Variants in ITGA2 observed in about 807,000 individuals in gnomAD.
ITGA2 encodes the protein integrin alpha-2.
ITGA2 carries 101 observed loss-of-function variants against 146.3 expected under a neutral mutation model. The observed-to-expected ratio is 0.69, with a 90% CI of 0.59 to 0.81. The LOEUF is 0.81. ITGA2 is among the 40% of genes least tolerant of loss of function. ITGA2 has a pLI of 0.00. For missense variants in ITGA2, 1,281 were observed against 1,402.7 expected (o/e 0.91, Z 1.39); for synonymous variants, 477 against 487.1 (o/e 0.98, Z 0.27).
chr5:53,078,336 C>G (rs986023233), intron 23 of ITGA2, among the ~76,000 whole-genome samples: 1 of 152,022 alleles, frequency 6.6e-6, no homozygotes, highest in African/African-American at 2.4e-5. Context: ...GCTCAATACC[C>G]TATTATTATA....
chr5:53,088,784 A>C (rs781617381), intron 28 of ITGA2, among the ~76,000 whole-genome samples: 3 of 152,180 alleles, frequency 2.0e-5, no homozygotes, highest in Admixed American at 6.5e-5. Context: ...TGTCTATGAA[A>C]AATTTTTTAA....
At chr5:53,000,235 G>T (rs567192792) in intron 1 of ITGA2, among the ~76,000 whole-genome samples, 1 of 152,196 alleles carries the variant, frequency 6.6e-6, no homozygotes, top group African/African-American at 2.4e-5. Context: ...TTCATCACCA[G>T]ATTGCTAAGA....
intron 1 of ITGA2, among the ~76,000 whole-genome samples, chr5:53,003,831 G>C (rs1324849109): frequency 1.3e-5 from 2 of 151,914 alleles, no homozygotes; most frequent in Non-Finnish European, 2.9e-5. Context: ...CTTTTTTAGA[G>C]ACAGAGTCTC....
rs974027147 is a variant in ITGA2 at position 53,093,344 on chromosome 5, T to A, written c.*2745T>A. Reference sequence around the variant, plus strand: ...GGAGTAGTTGAATTACTATAAACCATTAGCCACTTGTCTCTGCACCATTTA... The same window carrying A: ...GGAGTAGTTGAATTACTATAAACCAATAGCCACTTGTCTCTGCACCATTTA... On this transcript the variant is annotated 3_prime_UTR_variant, in exon 30 of 30. Transcript: ENST00000296585. 1.3e-5 allele frequency: 2 copies of A among 152,156 alleles called. No individual in the cohort carries two copies. Among genetic ancestry groups the A allele is most frequent in the African/African-American group, 4.8e-5 (2 of 41,428 alleles). 9.4% of individuals were successfully genotyped at this position (152,156 alleles called of 1,614,324 possible). A position where few individuals can be genotyped will look rare whatever the true frequency, so the allele number is the denominator to read the frequency against.
At chr5:53,050,929 C>T (rs113081293) in intron 6 of ITGA2, among the ~76,000 whole-genome samples, 146 of 152,252 alleles carry the variant, frequency 9.6e-4, no homozygotes, top group African/African-American at 3.1e-3. Flanking sequence ...TGATTAGGAG[C>T]ACATTGGTTT....
intron 1 of ITGA2, among the ~76,000 whole-genome samples, chr5:52,997,493 CTG>C (rs1741325978): frequency 6.6e-6 from 1 of 152,186 alleles, no homozygotes; most frequent in Non-Finnish European, 1.5e-5. Context: ...AAAAGAATCA[CTG>C]TATTGTCAGT....
In ITGA2 at chr5:53,078,875, G is replaced by A; in HGVS notation, c.2928+1G>A. On this transcript the variant is annotated splice_donor_variant, in intron 24 of 29. Coordinates refer to ENST00000296585, the MANE Select transcript of ITGA2 (RefSeq NM_002203.4). LOFTEE classifies it high-confidence loss of function. ...TCCAAAATTCATCTTCTCCCTGAAGGTTGGTAAGCCTGTCATAAGGATGGC... is the reference window on the plus strand; with the variant it reads ...TCCAAAATTCATCTTCTCCCTGAAGATTGGTAAGCCTGTCATAAGGATGGC... The A allele has an allele frequency of 6.4e-7, 1 of 1,570,824 alleles. No homozygotes were observed.
chr5:52,998,340 G>A (rs1741382327), intron 1 of ITGA2, among the ~76,000 whole-genome samples: 1 of 152,090 alleles, frequency 6.6e-6, no homozygotes, highest in Non-Finnish European at 1.5e-5. Flanking sequence ...TGTAATCCCA[G>A]CTACTCGAGA....
At chr5:53,002,727 A>G (rs1170469813) in intron 1 of ITGA2, among the ~76,000 whole-genome samples, 4 of 152,208 alleles carry the variant, frequency 2.6e-5, no homozygotes, top group Non-Finnish European at 5.9e-5. Context: ...AAGGGGCATT[A>G]CTATGTCAAA....
At chr5:53,050,018 G>A (rs905546004) in intron 6 of ITGA2, among the ~76,000 whole-genome samples, 4 of 152,104 alleles carry the variant, frequency 2.6e-5, no homozygotes, top group African/African-American at 9.7e-5. Context: ...ATTTCCCTGT[G>A]GGCATTTTCC....
intron 7 of ITGA2, among the ~76,000 whole-genome samples, chr5:53,052,868 G>C (rs2974984): frequency 0.1 from 15,777 of 152,068 alleles, 957 homozygotes; most frequent in Middle Eastern, 0.16. Flanking sequence ...CACTGTCATG[G>C]CATCAGCAGC....
At chr5:53,046,741 C>T (rs1344307158) in intron 4 of ITGA2, among the ~76,000 whole-genome samples, 1 of 151,892 alleles carries the variant, frequency 6.6e-6, no homozygotes, top group Non-Finnish European at 1.5e-5. Context: ...GTTTCCTTTA[C>T]ATACTTAGAA....
chr5:53,009,500 G>A (rs1287886129), intron 1 of ITGA2, among the ~76,000 whole-genome samples: 1 of 152,118 alleles, frequency 6.6e-6, no homozygotes, highest in Non-Finnish European at 1.5e-5. Flanking sequence ...CAACTTTTAA[G>A]TGAGGAACTT....
At chr5:53,027,434 C>A (rs1743004644) in intron 2 of ITGA2, among the ~76,000 whole-genome samples, 1 of 152,168 alleles carries the variant, frequency 6.6e-6, no homozygotes, top group South Asian at 2.1e-4. Context: ...CAAAGTGCTC[C>A]CAGTTTTTAC....
chr5:53,031,745 A>T (rs757062087), intron 2 of ITGA2, among the ~76,000 whole-genome samples: 5 of 152,164 alleles, frequency 3.3e-5, no homozygotes, highest in Non-Finnish European at 5.9e-5. Flanking sequence ...TCCCAAGTAG[A>T]GTACCTGGGC....
chr5:53,094,246 GTTAAT>G lies in ITGA2; in HGVS notation c.*3652_*3656del, dbSNP rs1364754698. Reference sequence around the variant, plus strand: ...ATACCCATTTTAATCAATTTGAAAGGTTAATTTAAACCTCTAGAGGTGAATGAGAA... The same window carrying G: ...ATACCCATTTTAATCAATTTGAAAGGTTAAACCTCTAGAGGTGAATGAGAA... On this transcript the variant is annotated 3_prime_UTR_variant, in exon 30 of 30. Coordinates refer to ENST00000296585, the MANE Select transcript of ITGA2 (RefSeq NM_002203.4). 2 of 148,012 alleles carry G rather than the reference GTTAAT, an allele frequency of 1.4e-5. No homozygotes were observed. The highest frequency in any genetic ancestry group is 5.0e-5 in the African/African-American group (2 of 40,174). 9.2% of individuals were successfully genotyped at this position (148,012 alleles called of 1,614,324 possible).
At chr5:53,087,984 T>C (rs1025574653) in intron 28 of ITGA2, among the ~76,000 whole-genome samples, 1 of 152,164 alleles carries the variant, frequency 6.6e-6, no homozygotes, top group Admixed American at 6.5e-5. Context: ...CCCACTCTTG[T>C]CCAAGGGAAA....
At chr5:53,088,486 G>A (rs1740225388) in intron 28 of ITGA2, among the ~76,000 whole-genome samples, 1 of 152,052 alleles carries the variant, frequency 6.6e-6, no homozygotes, top group Admixed American at 6.5e-5. Flanking sequence ...GGGAGTTCGA[G>A]ACCAGCTTGG....
intron 7 of ITGA2, 74 bp from the exon 8 acceptor site, chr5:53,055,464 T>C: frequency 7.3e-7 from 1 of 1,372,406 alleles, no homozygotes; most frequent in Non-Finnish European, 1.0e-6. Context: ...TTCATGTTTC[T>C]ATTTTAAACC....
Sources: allele counts gnomAD v4.1 joint callset (sites outside exome capture counted in the v4.1 genomes callset), GRCh38; gene constraint gnomAD v4.1.1; transcripts MANE v1.5; gene names NCBI Gene and HGNC (gene_info 2026-07-23, HGNC 2026-07-21).